Variants in MCM5 observed in about 807,000 individuals in gnomAD.
MCM5 encodes the protein DNA replication licensing factor MCM5.
Under a neutral mutation model 79.9 loss-of-function variants are expected in MCM5, and 46 were observed. The ratio of observed to expected loss-of-function variants is 0.58; its 90% CI spans 0.45 to 0.74. MCM5 has a LOEUF of 0.74. MCM5 is among the 30% of genes least tolerant of loss of function. The pLI, the probability that MCM5 is intolerant of heterozygous loss-of-function variation, is 0.00. For synonymous variants in MCM5, 404 were observed against 390.5 expected (o/e 1.03, Z -0.41); for missense variants, 883 against 1,017.0 (o/e 0.87, Z 1.79).
chr22:35,442,072 C>T, the MCM5 span, among the ~76,000 whole-genome samples: 1 of 152,080 alleles, frequency 6.6e-6, no homozygotes, highest in Non-Finnish European at 1.5e-5. Context: ...ACTCCCTGCT[C>T]AGGAAACTCC....
At chr22:35,410,551 G>GA in intron 6 of MCM5, 193 bp from the exon 7 acceptor site, 1 of 605,014 alleles carries the variant, frequency 1.7e-6, no homozygotes, top group South Asian at 1.7e-5. Context: ...CCAAGCAGCT[G>GA]AGCATGGGCT....
intron 4 of MCM5, 70 bp from the exon 5 acceptor site, chr22:35,406,483 A>G: frequency 4.2e-6 from 6 of 1,438,932 alleles, no homozygotes; most frequent in East Asian, 2.3e-5. Flanking sequence ...TGCCCAGGAT[A>G]TTTACTGGCA....
Position 35,419,869 on chromosome 22 carries a change from C to T in MCM5, c.1704-15C>T. 1 of 1,601,680 alleles carries T rather than the reference C, an allele frequency of 6.2e-7. No homozygotes were observed. Among genetic ancestry groups the T allele is most frequent in the South Asian group, 1.1e-5 (1 of 89,444 alleles). On this transcript the variant is annotated splice_polypyrimidine_tract_variant and intron_variant, in intron 13 of 16. Coordinates refer to ENST00000216122, the MANE Select transcript of MCM5 (RefSeq NM_006739.4). ...CCTCCTGGCCTCACACCAGCCTCTC[C>T]CCACTGTCCTGCAGGAAGTGTGGCC...
intron 3 of MCM5, 35 bp from the exon 4 acceptor site, chr22:35,403,379 A>T: frequency 1.2e-6 from 2 of 1,614,076 alleles, no homozygotes; most frequent in Non-Finnish European, 8.5e-7. Flanking sequence ...GCTCTGCCCC[A>T]GTTACTAATA....
chr22:35,412,254 C>T (rs1039509590), intron 7 of MCM5, among the ~76,000 whole-genome samples: 1 of 152,206 alleles, frequency 6.6e-6, no homozygotes, highest in South Asian at 2.1e-4. Context: ...TTCCAAGGTC[C>T]TATGCCATCT....
At chr22:35,423,520 T>C in intron 16 of MCM5, 179 bp downstream of exon 16, 2 of 563,360 alleles carry the variant, frequency 3.6e-6, no homozygotes, top group Non-Finnish European at 5.6e-6. Flanking sequence ...GACATCTTCA[T>C]CAGGAGCAGG....
At chr22:35,440,950 G>A in the MCM5 span, among the ~76,000 whole-genome samples, 4 of 152,062 alleles carry the variant, frequency 2.6e-5, no homozygotes, top group Non-Finnish European at 5.9e-5. Context: ...CCAGCTACTC[G>A]GGAGTCTGAG....
In MCM5 at chr22:35,400,446, G is replaced by T. The variant is rs775476754; in HGVS notation, c.8G>T (p.Gly3Val). MS[G>V]FDDPGIFYSD... ...CCCACCCCAGGCGCAGTCATGTCGG[G>T]ATTCGACGATCCTGGCATTTTCTAC... Residue 3 changes from glycine (G) to valine (V), a missense_variant, in exon 2 of 17, where the codon GGA (glycine) becomes GTA (valine). Coordinates refer to ENST00000216122, the MANE Select transcript of MCM5 (RefSeq NM_006739.4). The T allele has an allele frequency of 3.1e-6, 5 of 1,613,950 alleles. No individual in the cohort carries two copies. The highest frequency in any genetic ancestry group is 1.6e-4 in the Middle Eastern group (1 of 6,084).
At chr22:35,439,516 C>A in the MCM5 span, among the ~76,000 whole-genome samples, 2 of 150,610 alleles carry the variant, frequency 1.3e-5, no homozygotes, top group Non-Finnish European at 2.9e-5. Flanking sequence ...TTCATCCATT[C>A]ATCCACCCAC....
At chr22:35,453,824 A>AGG in the MCM5 span, among the ~76,000 whole-genome samples, 1 of 144,074 alleles carries the variant, frequency 6.9e-6, no homozygotes, top group Non-Finnish European at 1.5e-5. Context: ...ATATATAGAG[A>AGG]GAGAGAGAGA....
At chr22:35,423,890 G>A (rs1298108937) in intron 16 of MCM5, 3 of 451,584 alleles carry the variant, frequency 6.6e-6, no homozygotes, top group African/African-American at 6.1e-5. Context: ...CGCAGACTGA[G>A]GCTTAGAGAA....
chr22:35,420,114 A>C (rs1932657828), intron 14 of MCM5, 102 bp downstream of exon 14: 3 of 1,393,888 alleles, frequency 2.2e-6, no homozygotes, highest in African/African-American at 2.9e-5. Flanking sequence ...TTCACTTGGC[A>C]CAGGCCCATA....
chr22:35,439,147 TCATC>T, the MCM5 span, among the ~76,000 whole-genome samples: 5 of 135,858 alleles, frequency 3.7e-5, no homozygotes, highest in Non-Finnish European at 7.9e-5. Context: ...ACTCACATAT[TCATC>T]CATCCATCCA....
intron 2 of MCM5, among the ~76,000 whole-genome samples, chr22:35,400,888 C>T (rs1569062216): frequency 2.6e-5 from 4 of 152,196 alleles, no homozygotes; most frequent in Admixed American, 1.3e-4. Context: ...GGCACGATCT[C>T]GGCTCACTGC....
intron 14 of MCM5, among the ~76,000 whole-genome samples, chr22:35,420,249 G>A (rs893852736): frequency 1.3e-5 from 2 of 152,204 alleles, no homozygotes; most frequent in Non-Finnish European, 2.9e-5. Flanking sequence ...ATTTGGCCTG[G>A]CTTCTCCCAT....
At chr22:35,450,436 C>T in the MCM5 span, among the ~76,000 whole-genome samples, 1 of 152,048 alleles carries the variant, frequency 6.6e-6, no homozygotes, top group African/African-American at 2.4e-5. Context: ...GTCCCTTTCC[C>T]TCTCCCCTCC....
At chr22:35,437,017 C>G in the MCM5 span, among the ~76,000 whole-genome samples, 1 of 152,224 alleles carries the variant, frequency 6.6e-6, no homozygotes, top group Non-Finnish European at 1.5e-5. Flanking sequence ...GGCCATTGGC[C>G]TGGATCCTCC....
At chr22:35,407,262 G>C (rs531713889) in intron 5 of MCM5, among the ~76,000 whole-genome samples, 3 of 152,104 alleles carry the variant, frequency 2.0e-5, no homozygotes, top group Admixed American at 6.5e-5. Context: ...TGGCTCCTTC[G>C]CTGGTGCCTC....
At chr22:35,421,800 T>TG (rs1041421190) in intron 15 of MCM5, 72 of 366,618 alleles carry the variant, frequency 2.0e-4, no homozygotes, top group African/African-American at 1.5e-3. Context: ...AGTTATTTCT[T>TG]GCATTTTGCC....
Sources: gnomAD v4.1 joint callset for allele counts (sites outside exome capture counted in the v4.1 genomes callset) on GRCh38, gnomAD v4.1.1 for gene constraint, MANE v1.5 for transcripts, NCBI Gene and HGNC (gene_info 2026-07-23, HGNC 2026-07-21) for gene names.